The following SLIT2 variants were observed in gnomAD, a reference collection of about 807,000 sequenced individuals.
SLIT2 encodes the protein slit homolog 2 protein.
A neutral mutation model predicts 185.7 loss-of-function variants in SLIT2; 41 were observed. That is an observed-to-expected ratio of 0.22 (90% CI 0.17 to 0.29). SLIT2 has a LOEUF of 0.29. SLIT2 is among the 10% of genes least tolerant of loss of function. SLIT2 has a pLI of 1.00. For synonymous variants in SLIT2, 693 were observed against 680.2 expected, an observed-to-expected ratio of 1.02 and a Z score of -0.29; for missense variants, 1,571 against 1,909.0, an observed-to-expected ratio of 0.82 and a Z score of 3.30.
intron 4 of SLIT2, among the ~76,000 whole-genome samples, chr4:20,377,267 A>G (rs1426726808): frequency 6.6e-6 from 1 of 152,168 alleles, no homozygotes; most frequent in East Asian, 1.9e-4. Context: ...CAGTTTGTAT[A>G]TGAATGTATT....
intron 15 of SLIT2, 101 bp downstream of exon 15, chr4:20,525,273 G>GT: frequency 1.1e-6 from 1 of 880,528 alleles, no homozygotes; most frequent in Non-Finnish European, 1.9e-6. Flanking sequence ...AAGTACAGTG[G>GT]ATACTCTATA....
chr4:20,582,205 T>A (rs1215711633), intron 29 of SLIT2, among the ~76,000 whole-genome samples: 1 of 152,112 alleles, frequency 6.6e-6, no homozygotes, highest in African/African-American at 2.4e-5. Context: ...TCACTCCCCA[T>A]CTCTTAGGGC....
intron 6 of SLIT2, among the ~76,000 whole-genome samples, chr4:20,483,009 T>C (rs1716862083): frequency 1.3e-5 from 2 of 151,992 alleles, no homozygotes; most frequent in Non-Finnish European, 2.9e-5. Flanking sequence ...AGAGGTTGCA[T>C]GAAGAAGGGT....
intron 1 of SLIT2, among the ~76,000 whole-genome samples, chr4:20,255,921 A>G (rs1351897974): frequency 6.6e-6 from 1 of 152,172 alleles, no homozygotes; most frequent in Non-Finnish European, 1.5e-5. Flanking sequence ...AGTGATTGGA[A>G]CCAGGGCAAG....
At chr4:20,483,876 C>T (rs1286348567) in intron 6 of SLIT2, among the ~76,000 whole-genome samples, 1 of 152,000 alleles carries the variant, frequency 6.6e-6, no homozygotes, top group African/African-American at 2.4e-5. Flanking sequence ...ATAACCATAA[C>T]ATACACAAGT....
At chr4:20,613,257 G>A (rs1424182880) in intron 34 of SLIT2, among the ~76,000 whole-genome samples, 3 of 152,076 alleles carry the variant, frequency 2.0e-5, no homozygotes, top group East Asian at 1.9e-4. Context: ...CAACCTAAAT[G>A]CCCATCAATT....
At position 20,570,731 on chromosome 4, in the gene SLIT2, G is replaced by GTA. The variant is rs55841917; in HGVS notation, c.3088+1757_3088+1758dup. 2.5e-3 allele frequency among the ~76,000 whole-genome samples: 315 copies of GTA among 125,526 alleles called. 3 individuals carry two copies. The South Asian group carries it at 0.034, about 14-fold the overall frequency. The allele number at this position is 125,526 out of a possible 152,430, so 82.3% of individuals were successfully genotyped here. A position where few individuals can be genotyped will look rare whatever the true frequency, so the allele number is the denominator to read the frequency against. ...ACCAGGAATATATATATATATATATGTATATATATATATATATATATATAT... is the reference window on the plus strand; with the variant it reads ...ACCAGGAATATATATATATATATATGTATATATATATATATATATATATATAT... On this transcript the variant is annotated intron_variant, in intron 29 of 36. Coordinates refer to ENST00000504154, the MANE Select transcript of SLIT2 (RefSeq NM_004787.4).
intron 4 of SLIT2, among the ~76,000 whole-genome samples, chr4:20,276,005 T>A (rs984445921): frequency 1.3e-5 from 2 of 152,120 alleles, no homozygotes; most frequent in African/African-American, 4.8e-5. Flanking sequence ...AAAAATTTTA[T>A]TTTTTAAAAT....
intron 33 of SLIT2, among the ~76,000 whole-genome samples, chr4:20,601,439 G>A (rs1336564855): frequency 3.3e-5 from 5 of 152,194 alleles, no homozygotes. Flanking sequence ...CACAAATTCA[G>A]GATGTCCAAA....
At position 20,505,496 on chromosome 4, in the gene SLIT2, A is replaced by T. The variant is rs139066413; in HGVS notation, c.915-4999A>T. ...CATTGAAAATAATGTCTACGAATTG[A>T]ACGCTAGAGAGCTGAAAATGTCATT... On this transcript the variant is annotated intron_variant, in intron 9 of 36. Transcript: ENST00000504154. 3.3e-3 allele frequency among the ~76,000 whole-genome samples: 497 copies of T among 152,226 alleles called. 5 individuals are homozygous for T. Among genetic ancestry groups the T allele is most frequent in the Middle Eastern group, 6.8e-3 (2 of 294 alleles).
intron 8 of SLIT2, chr4:20,490,677 T>C: frequency 1.5e-6 from 1 of 658,050 alleles, no homozygotes. Context: ...GAAAAATTTT[T>C]GTATAATATC....
At chr4:20,505,334 T>C (rs892247342) in intron 9 of SLIT2, among the ~76,000 whole-genome samples, 1 of 152,088 alleles carries the variant, frequency 6.6e-6, no homozygotes, top group African/African-American at 2.4e-5. Flanking sequence ...GCTCATACTT[T>C]TAATTGCTAA....
chr4:20,356,052 T>A (rs976107197), intron 4 of SLIT2, among the ~76,000 whole-genome samples: 2 of 152,192 alleles, frequency 1.3e-5, no homozygotes, highest in Admixed American at 1.3e-4. Flanking sequence ...GATAAATGAT[T>A]ATGAAGATGT....
chr4:20,309,754 CTTTCT>C (rs1310730843), intron 4 of SLIT2, among the ~76,000 whole-genome samples: 2 of 92,760 alleles, frequency 2.2e-5, no homozygotes. Context: ...TCTAGTCTTT[CTTTCT>C]TTTTTTTTTT....
Position 20,256,718 on chromosome 4 carries a change from G to T in SLIT2, c.226G>T (p.Ala76Ser), listed in dbSNP as rs1711888312. ...CACAAGAATTACGAAGACAGATTTT[G>T]CTGGTCTTAGACATCTAAGAGTTCT... is the stretch of plus-strand genomic sequence containing the variant. ...NITRITKTDF[A>S]GLRHLRVLQL... The change falls in exon 2 of 37, where the codon GCT becomes TCT. Residue 76 changes from alanine (A) to serine (S), a missense_variant. Ala to Ser is a moderately conservative substitution (Grantham distance 99). Coordinates refer to ENST00000504154, the MANE Select transcript of SLIT2 (RefSeq NM_004787.4). The T allele has an allele frequency of 7.7e-6, 12 of 1,568,346 alleles. No homozygotes were observed. The highest frequency in any genetic ancestry group is 9.6e-6 in the Non-Finnish European group (11 of 1,146,480).
chr4:20,297,887 G>GT (rs1283706367), intron 4 of SLIT2, among the ~76,000 whole-genome samples: 15 of 152,104 alleles, frequency 9.9e-5, no homozygotes, highest in African/African-American at 3.1e-4. Flanking sequence ...TATTTCAAAG[G>GT]TTTGCAAGTT....
chr4:20,537,121 T>C (rs1017643355), intron 18 of SLIT2, among the ~76,000 whole-genome samples: 1 of 152,218 alleles, frequency 6.6e-6, no homozygotes, highest in African/African-American at 2.4e-5. Context: ...AAGTACACTC[T>C]AAAATAACAA....
At chr4:20,588,987 A>C (rs1248065655) in intron 29 of SLIT2, among the ~76,000 whole-genome samples, 2 of 152,230 alleles carry the variant, frequency 1.3e-5, no homozygotes, top group African/African-American at 4.8e-5. Flanking sequence ...GATCCACAAG[A>C]AGGAAACCAA....
chr4:20,417,236 GTTTC>G (rs1381448455), intron 4 of SLIT2, among the ~76,000 whole-genome samples: 1 of 151,380 alleles, frequency 6.6e-6, no homozygotes, highest in Non-Finnish European at 1.5e-5. Context: ...CTTTCTTAGT[GTTTC>G]TTTGTTTGTT....
Sources: gnomAD v4.1 joint callset for allele counts (sites outside exome capture counted in the v4.1 genomes callset) on GRCh38, gnomAD v4.1.1 for gene constraint, MANE v1.5 for transcripts, NCBI Gene and HGNC (gene_info 2026-07-23, HGNC 2026-07-21) for gene names.